ZZZ3: variants seen among roughly 807,000 people sequenced by gnomAD.
The protein encoded by ZZZ3 is zinc finger ZZ-type containing 3.
Under a neutral mutation model 95.2 loss-of-function variants are expected in ZZZ3, and 22 were observed. The ratio of observed to expected loss-of-function variants is 0.23; its 90% CI spans 0.17 to 0.33. The LOEUF is 0.33. ZZZ3 is among the 10% of genes least tolerant of loss of function. The pLI is 1.00. For synonymous variants in ZZZ3, 335 were observed against 358.9 expected, an observed-to-expected ratio of 0.93 and a Z score of 0.75; for missense variants, 885 against 1,066.5, an observed-to-expected ratio of 0.83 and a Z score of 2.37.
At chr1:77,630,920 A>G (rs1028923832) in intron 5 of ZZZ3, among the ~76,000 whole-genome samples, 1 of 152,250 alleles carries the variant, frequency 6.6e-6, no homozygotes, top group South Asian at 2.1e-4. Context: ...TGTACAGTCT[A>G]TATAATCTGG....
chr1:77,645,726 T>C (rs1338782352), intron 1 of ZZZ3: 1 of 151,932 alleles, frequency 6.6e-6, no homozygotes, highest in African/African-American at 2.4e-5. Context: ...AATGCAGCAC[T>C]TTGGGAGGCT....
intron 12 of ZZZ3, 54 bp downstream of exon 12, chr1:77,576,014 T>C: frequency 7.4e-7 from 1 of 1,350,114 alleles, no homozygotes; most frequent in Non-Finnish European, 9.8e-7. Flanking sequence ...AATTAGAAAA[T>C]CCTACTCTCT....
rs1667352130 is a variant in ZZZ3 at position 77,626,527 on chromosome 1, A to C, written c.1505+5323T>G. Reference sequence around the variant, plus strand: ...TAGATCCCTCACATGCATGGTTCACAATAGAGTTCGTGCTCCTATGAGAAT... The same window carrying C: ...TAGATCCCTCACATGCATGGTTCACCATAGAGTTCGTGCTCCTATGAGAAT... On this transcript the variant is annotated intron_variant, in intron 5 of 14. Transcript: ENST00000370801. Among the ~76,000 whole-genome samples, 3 of 152,174 alleles carry C rather than the reference A, an allele frequency of 2.0e-5. No homozygotes were observed. In the South Asian group the frequency reaches 6.2e-4, roughly 32 times the overall value.
chr1:77,589,227 A>C (rs907895937), intron 5 of ZZZ3, among the ~76,000 whole-genome samples: 1 of 152,138 alleles, frequency 6.6e-6, no homozygotes, highest in Non-Finnish European at 1.5e-5. Context: ...TTAGCTTTAT[A>C]TATTTGGCCA....
At chr1:77,596,699 A>C (rs1664240671) in intron 5 of ZZZ3, among the ~76,000 whole-genome samples, 1 of 152,128 alleles carries the variant, frequency 6.6e-6, no homozygotes, top group Admixed American at 6.6e-5. Flanking sequence ...TCTAGTTGAT[A>C]AGAGTTTTTC....
chr1:77,632,163 G>A lies in ZZZ3; in HGVS notation c.1192C>T (p.Pro398Ser), dbSNP rs377649552. ...TCAAATTGTCCATTTTCTCTGTAAG[G>A]AGAACTGTTTTTAGTGGGACTACCT... ...TRGSPTKNSS[P>S]YRENGQFEEN... The change falls in exon 5 of 15, where the codon CCT becomes TCT. Residue 398 changes from proline to serine, a missense_variant. Transcript: ENST00000370801. 5.0e-6 allele frequency: 8 copies of A among 1,614,058 alleles called. No individual in the cohort carries two copies. Among genetic ancestry groups the A allele is most frequent in the Non-Finnish European group, 5.9e-6 (7 of 1,179,998 alleles).
intron 1 of ZZZ3, among the ~76,000 whole-genome samples, chr1:77,658,553 A>C (rs543117628): frequency 6.7e-6 from 1 of 150,146 alleles, no homozygotes; most frequent in Admixed American, 6.7e-5. Context: ...TAGTAGAGAC[A>C]AGGTCTCCCT....
intron 5 of ZZZ3, among the ~76,000 whole-genome samples, chr1:77,589,377 A>C (rs1164482171): frequency 6.6e-6 from 1 of 152,104 alleles, no homozygotes; most frequent in Non-Finnish European, 1.5e-5. Context: ...TGACATCTGA[A>C]GAGAACATCA....
intron 12 of ZZZ3, among the ~76,000 whole-genome samples, chr1:77,569,953 G>A (rs1029017712): frequency 2.0e-5 from 3 of 152,116 alleles, no homozygotes; most frequent in Middle Eastern, 3.2e-3. Flanking sequence ...TCCATGCTCT[G>A]TAAATTCCCA....
chr1:77,657,739 C>G (rs1035456209), intron 1 of ZZZ3, among the ~76,000 whole-genome samples: 2 of 152,044 alleles, frequency 1.3e-5, no homozygotes, highest in African/African-American at 2.4e-5. Context: ...TATAGGTATC[C>G]AATAAATAAT....
intron 5 of ZZZ3, among the ~76,000 whole-genome samples, chr1:77,630,212 A>C (rs1372102878): frequency 4.6e-5 from 7 of 152,134 alleles, no homozygotes; most frequent in African/African-American, 1.7e-4. Context: ...GCAGTGGCTC[A>C]TGCCTATACT....
rs536840723 is a variant in ZZZ3, at chr1:77,641,533, C to T, written c.-280G>A. On this transcript the variant is annotated 5_prime_UTR_variant, in exon 2 of 15. Coordinates refer to ENST00000370801, the MANE Select transcript of ZZZ3 (RefSeq NM_015534.6). Reference sequence around the variant, plus strand: ...ACATTATTTCTTACCTTTTAAAAAGCGTTTTGCCTAGTATTTGATCCCCAT... The same window carrying T: ...ACATTATTTCTTACCTTTTAAAAAGTGTTTTGCCTAGTATTTGATCCCCAT... 7 of 398,080 alleles carry T rather than the reference C, an allele frequency of 1.8e-5. No individual in the cohort carries two copies. The highest frequency in any genetic ancestry group is 3.6e-5 in the East Asian group (1 of 27,978). 24.7% of individuals were successfully genotyped at this position (398,080 alleles called of 1,614,324 possible).
rs1306805394 is a variant in ZZZ3, at chr1:77,564,979, C to T, written c.*661G>A. ...ACATTTAAAAAATATATCTGAGTGA[C>T]AATTTTATAACATTCACACACCATG... On this transcript the variant is annotated 3_prime_UTR_variant, in exon 15 of 15. Transcript: ENST00000370801. 6.6e-6 allele frequency: 1 copy of T among 152,606 alleles called. No individual in the cohort carries two copies. The highest frequency in any genetic ancestry group is 1.5e-5 in the Non-Finnish European group (1 of 68,026). 9.5% of individuals were successfully genotyped at this position (152,606 alleles called of 1,614,324 possible). A position where few individuals can be genotyped will look rare whatever the true frequency, so the allele number is the denominator to read the frequency against.
chr1:77,681,173 G>A (rs1162147258), intron 1 of ZZZ3, among the ~76,000 whole-genome samples: 2 of 152,020 alleles, frequency 1.3e-5, no homozygotes, highest in Non-Finnish European at 2.9e-5. Context: ...ACCAAAATAT[G>A]GAAATATCTG....
intron 1 of ZZZ3, among the ~76,000 whole-genome samples, chr1:77,681,286 T>C (rs1672729142): frequency 6.6e-6 from 1 of 152,172 alleles, no homozygotes; most frequent in Non-Finnish European, 1.5e-5. Context: ...CTATACTATA[T>C]ACCTCTCTGT....
At chr1:77,580,489 A>AT (rs917992298) in intron 9 of ZZZ3, 38 of 152,356 alleles carry the variant, frequency 2.5e-4, no homozygotes, top group African/African-American at 8.7e-4. Flanking sequence ...TTCTTTTAAA[A>AT]TTATCCCCAA....
Position 77,584,682 on chromosome 1 carries a change from CA to C in ZZZ3, c.1506-28del. ...TACAGAGACAAAGAAAAATATTTCA[CA>C]AAAATTTTCTAGTAACAACAATAAA... On this transcript the variant is annotated intron_variant, in intron 5 of 14. Coordinates refer to ENST00000370801, the MANE Select transcript of ZZZ3 (RefSeq NM_015534.6). The C allele has an allele frequency of 2.0e-6, 3 of 1,519,418 alleles. No individual in the cohort carries two copies. In the South Asian group the frequency reaches 4.0e-5, roughly 20 times the overall value. 94.1% of individuals were successfully genotyped at this position (1,519,418 alleles called of 1,614,324 possible). A position where few individuals can be genotyped will look rare whatever the true frequency, so the allele number is the denominator to read the frequency against.
At chr1:77,639,065 CGGTA>C (rs4032278) in intron 4 of ZZZ3, among the ~76,000 whole-genome samples, 3 of 150,968 alleles carry the variant, frequency 2.0e-5, no homozygotes, top group South Asian at 2.1e-4. Context: ...GACAGATGGT[CGGTA>C]GGTAGGTAGG....
chr1:77,676,385 G>A (rs1672273557), intron 1 of ZZZ3, among the ~76,000 whole-genome samples: 2 of 152,298 alleles, frequency 1.3e-5, no homozygotes, highest in South Asian at 2.1e-4. Flanking sequence ...CCAGACTGGT[G>A]TCCAAATCCT....
Sources: allele counts gnomAD v4.1 joint callset (sites outside exome capture counted in the v4.1 genomes callset), GRCh38; gene constraint gnomAD v4.1.1; transcripts MANE v1.5; gene names NCBI Gene and HGNC (gene_info 2026-07-23, HGNC 2026-07-21).